MOB1B: variants seen among roughly 807,000 people sequenced by gnomAD.
MOB1B encodes MOB1 Mps One Binder homolog B.
MOB1B carries 19 observed loss-of-function variants against 24.4 expected under a neutral mutation model. The ratio of observed to expected loss-of-function variants is 0.78; its 90% confidence interval spans 0.54 to 1.14. MOB1B has a LOEUF of 1.14. Among genes scored for constraint, MOB1B ranks in the 50% most tolerant of loss-of-function variants. The pLI, the probability that MOB1B is intolerant of heterozygous loss-of-function variation, is 0.00. For synonymous variants in MOB1B, 76 were observed against 82.1 expected, an observed-to-expected ratio of 0.93 and a Z score of 0.40; for missense variants, 243 against 259.6, an observed-to-expected ratio of 0.94 and a Z score of 0.44.
intron 1 of MOB1B, among the ~76,000 whole-genome samples, chr4:70,926,792 C>G (rs1053565984): frequency 9.9e-5 from 15 of 151,424 alleles, no homozygotes; most frequent in African/African-American, 3.4e-4. Context: ...GTCAGGAGAT[C>G]GAGACCATCC....
intron 1 of MOB1B, among the ~76,000 whole-genome samples, chr4:70,918,731 A>G (rs924743572): frequency 1.3e-5 from 2 of 152,050 alleles, no homozygotes; most frequent in African/African-American, 4.8e-5. Flanking sequence ...TTTTGTTGCC[A>G]TTGCTTTTGG....
At chr4:70,958,030 C>T (rs1229840525) in intron 1 of MOB1B, among the ~76,000 whole-genome samples, 1 of 152,042 alleles carries the variant, frequency 6.6e-6, no homozygotes, top group Admixed American at 6.6e-5. Flanking sequence ...TCTGTGTGTG[C>T]TTAAGCATTC....
intron 1 of MOB1B, among the ~76,000 whole-genome samples, chr4:70,938,298 G>A (rs1484382374): frequency 8.2e-6 from 1 of 121,256 alleles, no homozygotes; most frequent in Non-Finnish European, 1.6e-5. Flanking sequence ...TATACATGGT[G>A]TGGTCAGATT....
chr4:70,926,910 T>A (rs1483335189), intron 1 of MOB1B, among the ~76,000 whole-genome samples: 1 of 150,068 alleles, frequency 6.7e-6, no homozygotes, highest in African/African-American at 2.5e-5. Context: ...GGCAGGAGAA[T>A]GGCGCAAACT....
intron 3 of MOB1B, among the ~76,000 whole-genome samples, chr4:70,973,010 T>G (rs930607676): frequency 2.0e-5 from 3 of 151,884 alleles, no homozygotes; most frequent in Admixed American, 6.6e-5. Context: ...CCTGACCTCA[T>G]GATCCGCCCG....
chr4:70,974,075 G>A (rs1195662047), intron 3 of MOB1B, among the ~76,000 whole-genome samples: 2 of 152,092 alleles, frequency 1.3e-5, no homozygotes, highest in African/African-American at 4.8e-5. Flanking sequence ...TGCTAGTTCA[G>A]TTTAGAGATT....
At chr4:70,906,924 A>G (rs1578338949) in intron 1 of MOB1B, among the ~76,000 whole-genome samples, 1 of 152,208 alleles carries the variant, frequency 6.6e-6, no homozygotes, top group East Asian at 1.9e-4. Context: ...TAGATGCAAT[A>G]CAATCATGGG....
At chr4:70,918,699 G>C (rs1368123719) in intron 1 of MOB1B, among the ~76,000 whole-genome samples, 1 of 152,068 alleles carries the variant, frequency 6.6e-6, no homozygotes, top group African/African-American at 2.4e-5. Context: ...AGTTTAATTA[G>C]ATCCCATTTG....
At chr4:70,947,572 A>G (rs1382095494) in intron 1 of MOB1B, among the ~76,000 whole-genome samples, 4 of 152,160 alleles carry the variant, frequency 2.6e-5, no homozygotes, top group African/African-American at 9.7e-5. Flanking sequence ...ATTTGCTGCT[A>G]GTCGGTGGCT....
intron 1 of MOB1B, among the ~76,000 whole-genome samples, chr4:70,943,550 T>TA (rs796337128): frequency 2.6e-4 from 40 of 152,108 alleles, no homozygotes; most frequent in African/African-American, 9.2e-4. Context: ...AGTAACTTTT[T>TA]AAAAAAAATC....
Position 70,955,081 on chromosome 4 carries a change from C to T in MOB1B, c.15-3793C>T, listed in dbSNP as rs573405554. Among the ~76,000 whole-genome samples, 37 of 152,106 alleles carry T rather than the reference C, an allele frequency of 2.4e-4. 1 individual carries two copies. The East Asian group carries it at 5.4e-3, about 22-fold the overall frequency. The stretch of plus-strand genomic sequence containing the variant: ...GACTACAGGCATGAGCCACTGTGCC[C>T]GGCCTAGATTTTATTTTTTCTACCA... On this transcript the variant is annotated intron_variant, in intron 1 of 5. Transcript: ENST00000309395.
intron 1 of MOB1B, among the ~76,000 whole-genome samples, chr4:70,956,252 A>C (rs970006168): frequency 2.0e-5 from 3 of 151,580 alleles, no homozygotes; most frequent in Non-Finnish European, 2.9e-5. Context: ...TTTATTTTTA[A>C]ATTTTTTTCT....
intron 1 of MOB1B, among the ~76,000 whole-genome samples, chr4:70,927,030 G>A (rs532429757): frequency 6.6e-6 from 1 of 151,892 alleles, no homozygotes; most frequent in East Asian, 1.9e-4. Context: ...ATAAGATGCG[G>A]TCTCTGTCCT....
At chr4:70,902,211 C>G (rs2148861835), upstream of MOB1B, 1 of 497,198 alleles carries the variant, frequency 2.0e-6, no homozygotes, top group Non-Finnish European at 3.6e-6. Context: ...AGCCGGAGGG[C>G]CGGGGTGGGC....
intron 1 of MOB1B, among the ~76,000 whole-genome samples, chr4:70,952,935 CTTTTTTTT>C (rs71211985): frequency 1.4e-5 from 1 of 72,308 alleles, no homozygotes; most frequent in Non-Finnish European, 2.6e-5. Context: ...GTCATTTGGT[CTTTTTTTT>C]TTTTTTTTTT....
Position 70,920,688 on chromosome 4 carries a change from G to A in MOB1B, c.14+18138G>A, listed in dbSNP as rs1736399182. On this transcript the variant is annotated intron_variant, in intron 1 of 5. Transcript: ENST00000309395. Reference sequence around the variant, plus strand: ...AGTTTTCTGGGTTCTCTCTCTCTGAGTGATCCTAGTGACCCTGCTTGACTG... The same window carrying A: ...AGTTTTCTGGGTTCTCTCTCTCTGAATGATCCTAGTGACCCTGCTTGACTG... Among the ~76,000 whole-genome samples the A allele has an allele frequency of 2.6e-5, 4 of 152,184 alleles. No individual in the cohort carries two copies. The South Asian group carries it at 8.3e-4, about 32-fold the overall frequency.
At chr4:70,955,464 CTTTTTTTTTTT>C (rs36054184) in intron 1 of MOB1B, among the ~76,000 whole-genome samples, 3 of 89,332 alleles carry the variant, frequency 3.4e-5, no homozygotes, top group African/African-American at 9.2e-5. Flanking sequence ...AGTATGTGTC[CTTTTTTTTTTT>C]TTTTTTTTTT....
chr4:70,952,162 C>T (rs1450940171), intron 1 of MOB1B, among the ~76,000 whole-genome samples: 2 of 151,910 alleles, frequency 1.3e-5, no homozygotes, highest in Non-Finnish European at 2.9e-5. Context: ...TAGCAGATGA[C>T]TGGAGGAAAC....
chr4:70,915,645 G>A (rs901056982), intron 1 of MOB1B, among the ~76,000 whole-genome samples: 2 of 152,118 alleles, frequency 1.3e-5, no homozygotes, highest in South Asian at 2.1e-4. Flanking sequence ...CTTATGTTCC[G>A]TGCCTTCAGG....
Sources: allele counts gnomAD v4.1 joint callset (sites outside exome capture counted in the v4.1 genomes callset), GRCh38; gene constraint gnomAD v4.1.1; transcripts MANE v1.5; gene names NCBI Gene and HGNC (gene_info 2026-07-23, HGNC 2026-07-21).